GPRC5D: variants seen among roughly 807,000 people sequenced by gnomAD.
GPRC5D encodes the protein G protein-coupled receptor family C group 5 member D.
Under a neutral mutation model 29.3 loss-of-function variants are expected in GPRC5D, and 20 were observed. The ratio of observed to expected loss-of-function variants is 0.68; its 90% CI spans 0.48 to 0.99. GPRC5D has a LOEUF of 0.99. GPRC5D is among the 50% of genes least tolerant of loss of function. The probability of loss-of-function intolerance (pLI) is 0.00; values close to 1 mark genes in which losing one functional copy is unlikely to be tolerated. For synonymous variants in GPRC5D, 178 were observed against 171.3 expected, an observed-to-expected ratio of 1.04 and a Z score of -0.30; for missense variants, 384 against 423.6, an observed-to-expected ratio of 0.91 and a Z score of 0.82.
intron 1 of GPRC5D, among the ~76,000 whole-genome samples, chr12:12,946,358 TTTCTTTCTTTTC>T (rs1565478481): frequency 1.3e-5 from 2 of 149,348 alleles, no homozygotes; most frequent in South Asian, 2.1e-4. Context: ...TCTTTCTTTC[TTTCTTTCTTTTC>T]TTTCTTTCTT....
At chr12:12,949,029 G>A (rs1453678905) in intron 1 of GPRC5D, among the ~76,000 whole-genome samples, 5 of 152,160 alleles carry the variant, frequency 3.3e-5, no homozygotes, top group African/African-American at 7.2e-5. Context: ...TTAAGATTAC[G>A]TTTGGGCAAA....
chr12:12,951,037 G>A (rs1863482472), upstream of GPRC5D, among the ~76,000 whole-genome samples: 1 of 151,956 alleles, frequency 6.6e-6, no homozygotes. Flanking sequence ...TTGAACCCAG[G>A]AGGCAGAGGT....
intron 1 of GPRC5D, 38 bp from the exon 3 acceptor site, chr12:12,942,366 G>C: frequency 7.3e-7 from 1 of 1,374,528 alleles, no homozygotes; most frequent in Non-Finnish European, 1.0e-6. Context: ...GTTAGTGTCC[G>C]AGAGTCAATC....
intron 1 of GPRC5D, among the ~76,000 whole-genome samples, chr12:12,945,545 GA>G (rs1863293445): frequency 6.6e-6 from 1 of 151,854 alleles, no homozygotes; most frequent in South Asian, 2.1e-4. Context: ...TATTCAGGAA[GA>G]GAAATATTCC....
exon 1 of GPRC5D, chr12:12,949,513 A>G (rs1302787640): frequency 6.2e-7 from 1 of 1,613,598 alleles, no homozygotes; most frequent in Admixed American, 1.7e-5. Context: ...CTGGTTCTCC[A>G]CTTGGAAGCT....
At chr12:12,948,153 T>G (rs1041738129) in intron 1 of GPRC5D, 3 of 152,192 alleles carry the variant, frequency 2.0e-5, no homozygotes, top group African/African-American at 7.2e-5. Context: ...TCTAAGAATT[T>G]TTTTTTTGCT....
At chr12:12,942,198 G>T in intron 2 of GPRC5D, 63 bp downstream of exon 3, 1 of 1,016,308 alleles carries the variant, frequency 9.8e-7, no homozygotes. Flanking sequence ...GAAGCCTGAG[G>T]CTGTCCTAAG....
chr12:12,946,309 T>TTTTCTTTCTTTC (rs745322553), intron 1 of GPRC5D, among the ~76,000 whole-genome samples: 27 of 37,692 alleles, frequency 7.2e-4, no homozygotes, highest in African/African-American at 2.0e-3. Flanking sequence ...CCTTCCTTCC[T>TTTTCTTTCTTTC]TTTCTTTCTT....
rs764005587 is a variant in GPRC5D at position 12,942,255 on chromosome 12, A to G, written c.963+6T>C. On this transcript the variant is annotated splice_donor_region_variant and intron_variant, in intron 2 of 2. Coordinates refer to ENST00000228887, the Ensembl canonical transcript of GPRC5D. ...CTCCTGGGTGAATATAGGCGAGTACATTTACCTGCGGCTGAATGGGAGTAC... is the reference window on the plus strand; with the variant it reads ...CTCCTGGGTGAATATAGGCGAGTACGTTTACCTGCGGCTGAATGGGAGTAC... 3.8e-6 allele frequency: 6 copies of G among 1,585,804 alleles called. No homozygotes were observed. In the Admixed American group the frequency reaches 5.0e-5, roughly 13 times the overall value.
chr12:12,942,595 C>T (rs996541513), intron 1 of GPRC5D, among the ~76,000 whole-genome samples: 1 of 152,070 alleles, frequency 6.6e-6, no homozygotes, highest in Non-Finnish European at 1.5e-5. Context: ...ATTAGCTGGG[C>T]GTGGTGGCGT....
At chr12:12,950,635 C>T (rs1863471989), upstream of GPRC5D, among the ~76,000 whole-genome samples, 2 of 152,056 alleles carry the variant, frequency 1.3e-5, no homozygotes, top group South Asian at 4.2e-4. Context: ...GGTGAAACCC[C>T]ATCTCTACTA....
chr12:12,951,208 T>C (rs779981116), upstream of GPRC5D, among the ~76,000 whole-genome samples: 3 of 152,172 alleles, frequency 2.0e-5, no homozygotes, highest in Non-Finnish European at 4.4e-5. Flanking sequence ...AGAATGCCTA[T>C]TGGGTGGTCC....
chr12:12,948,048 A>G (rs572286281), intron 1 of GPRC5D: 2 of 151,762 alleles, frequency 1.3e-5, no homozygotes, highest in Admixed American at 6.6e-5. Flanking sequence ...CAACTGAGAT[A>G]CTCCTTCGAG....
At chr12:12,950,118 G>A (rs144191340) in exon 1 of GPRC5D, 199 of 1,614,034 alleles carry the variant, frequency 1.2e-4, no homozygotes, top group Middle Eastern at 4.9e-4. Flanking sequence ...AGCGTACGGG[G>A]GCAGTTTGTT....
At chr12:12,943,379 A>G (rs1335989172) in intron 1 of GPRC5D, among the ~76,000 whole-genome samples, 2 of 152,074 alleles carry the variant, frequency 1.3e-5, no homozygotes, top group Non-Finnish European at 2.9e-5. Context: ...TGGCTCTCTC[A>G]TTTGTGTTAC....
upstream of GPRC5D, among the ~76,000 whole-genome samples, chr12:12,950,892 G>A: frequency 6.6e-6 from 1 of 151,572 alleles, no homozygotes; most frequent in East Asian, 1.9e-4. Flanking sequence ...ATCACTTGAA[G>A]TCAGGAGTTC....
chr12:12,941,305 A>G (rs1407636649), intron 2 of GPRC5D, among the ~76,000 whole-genome samples: 1 of 152,200 alleles, frequency 6.6e-6, no homozygotes, highest in Non-Finnish European at 1.5e-5. Flanking sequence ...ATACCAGGCT[A>G]CCCCTTAGCC....
chr12:12,946,965 A>G (rs536087972), intron 1 of GPRC5D: 31 of 152,314 alleles, frequency 2.0e-4, no homozygotes, highest in African/African-American at 7.0e-4. Context: ...GAGAACTTGG[A>G]TAGTCTGGTA....
At chr12:12,949,699 G>T (rs751439160) in exon 1 of GPRC5D, 3 of 1,606,198 alleles carry the variant, frequency 1.9e-6, no homozygotes, top group East Asian at 2.2e-5. Flanking sequence ...CTGGAACTGC[G>T]GGTTGCCTCT....
Sources: allele counts gnomAD v4.1 joint callset (sites outside exome capture counted in the v4.1 genomes callset), GRCh38; gene constraint gnomAD v4.1.1; transcripts MANE v1.5; gene names NCBI Gene and HGNC (gene_info 2026-07-23, HGNC 2026-07-21).